The following PABPC1L variants were observed in gnomAD, a reference collection of about 807,000 sequenced individuals.
The protein encoded by PABPC1L is poly(A) binding protein cytoplasmic 1 like.
A neutral mutation model predicts 66.6 loss-of-function variants in PABPC1L; 31 were observed. The ratio of observed to expected loss-of-function variants is 0.47; its 90% CI spans 0.35 to 0.63. The LOEUF is 0.63. Among genes scored for constraint, PABPC1L ranks in the 20% least tolerant of loss-of-function variants. The pLI is 0.00. For synonymous variants in PABPC1L, 348 were observed against 335.1 expected, an observed-to-expected ratio of 1.04 and a Z score of -0.42; for missense variants, 722 against 848.8, an observed-to-expected ratio of 0.85 and a Z score of 1.86.
rs574263387 is a variant in PABPC1L at position 44,922,599 on chromosome 20, G to C, written c.876+868G>C. ...TTGGTCAGGCTGGTCTCGAACTCCT[G>C]ACCTTAGTTGATCTGCCCGCTTTGG... On this transcript the variant is annotated intron_variant, in intron 6 of 14. Transcript: ENST00000217073. 2.9e-3 allele frequency among the ~76,000 whole-genome samples: 448 copies of C among 152,182 alleles called. 4 individuals are homozygous for C. The highest frequency in any genetic ancestry group is 9.8e-3 in the African/African-American group (408 of 41,518).
intron 4 of PABPC1L, 32 bp from the exon 5 acceptor site, chr20:44,919,151 A>G (rs1372346036): frequency 3.1e-6 from 5 of 1,613,564 alleles, no homozygotes; most frequent in African/African-American, 1.3e-5. Flanking sequence ...GACTTCCCAG[A>G]CTCCCCTTTG....
chr20:44,910,163 G>T lies in PABPC1L; in HGVS notation c.20G>T (p.Gly7Val). Residue 7 changes from glycine (G) to valine (V), a missense_variant, in exon 1 of 15, where the codon GGC becomes GTC. Transcript: ENST00000217073. ...CCCACCATGAACGCCAGCGGTTCTG[G>T]CTACCCGCTTGCCTCGCTTTACGTG... MNASGS[G>V]YPLASLYVGD... is the part of the protein sequence containing the mutation. 6.4e-7 allele frequency: 1 copy of T among 1,571,544 alleles called. No individual in the cohort carries two copies. The highest frequency in any genetic ancestry group is 2.4e-5 in the East Asian group (1 of 41,958).
In PABPC1L at chr20:44,933,147, C is replaced by T; in HGVS notation, c.1421C>T (p.Thr474Ile). 6.2e-7 allele frequency: 1 copy of T among 1,609,922 alleles called. No individual in the cohort carries two copies. The highest frequency in any genetic ancestry group is 8.5e-7 in the Non-Finnish European group (1 of 1,178,650). ...ATCAGCAGTGTCAGGCAGGCCTCCA[C>T]CCAGGTGCCACGCACGGTGCCTCAT... ...AHISSVRQAS[T>I]QVPRTVPHTQ... Residue 474 changes from threonine (T) to isoleucine (I), a missense_variant, in exon 10 of 15, where the codon ACC becomes ATC. Physicochemically the swap from Thr to Ile is moderately conservative, Grantham distance 89. This residue lies in a region of PABPC1L where 301 missense variants were observed against 337.2 expected (regional missense o/e 0.89). Coordinates refer to ENST00000217073, the MANE Select transcript of PABPC1L (RefSeq NM_001372179.1).
At position 44,921,700 on chromosome 20, in the gene PABPC1L, A is replaced by G. The variant is rs765113113; in HGVS notation, c.845A>G (p.Gln282Arg). The G allele has an allele frequency of 3.1e-6, 5 of 1,613,796 alleles. No homozygotes were observed. ...AATGAACTGAAGCGCAGGTTTGAGC[A>G]GATGAAGCAGGACCGGCTGAGGCGT... The part of the protein sequence containing the change: ...RQNELKRRFE[Q>R]MKQDRLRRYQ... The change falls in exon 6 of 15, where the codon CAG becomes CGG. Residue 282 changes from glutamine to arginine, a missense_variant. By Grantham distance (43) the Gln-to-Arg change is conservative. Coordinates refer to ENST00000217073, the MANE Select transcript of PABPC1L (RefSeq NM_001372179.1).
At chr20:44,918,118 G>A (rs893392611) in intron 3 of PABPC1L, among the ~76,000 whole-genome samples, 7 of 152,282 alleles carry the variant, frequency 4.6e-5, no homozygotes, top group African/African-American at 1.7e-4. Flanking sequence ...CTGAGGTCAG[G>A]AGTTTGAGAC....
chr20:44,919,106 G>A lies in PABPC1L; in HGVS notation c.643+61G>A, dbSNP rs1229601009. ...TTTTTCCTCTTCCCTTCCAAAGTCT[G>A]GTAGGGAGGAGGGGCTCTCCTGGGG... On this transcript the variant is annotated intron_variant, in intron 4 of 14. Coordinates refer to ENST00000217073, the MANE Select transcript of PABPC1L (RefSeq NM_001372179.1). 6 of 1,613,172 alleles carry A rather than the reference G, an allele frequency of 3.7e-6. No homozygotes were observed. The Admixed American group carries it at 6.7e-5, about 18-fold the overall frequency.
intron 9 of PABPC1L, 172 bp from the exon 10 acceptor site, chr20:44,932,885 C>T (rs1328086072): frequency 3.4e-6 from 2 of 593,140 alleles, no homozygotes; most frequent in Non-Finnish European, 6.0e-6. Context: ...CTACACTCCC[C>T]CTTTCTGGAG....
At position 44,910,175 on chromosome 20, in the gene PABPC1L, C is replaced by A; in HGVS notation, c.32C>A (p.Ala11Asp). 1 of 1,577,448 alleles carries A rather than the reference C, an allele frequency of 6.3e-7. No homozygotes were observed. Among genetic ancestry groups the A allele is most frequent in the Admixed American group, 1.8e-5 (1 of 55,396 alleles). The part of the protein sequence containing the change: MNASGSGYPL[A>D]SLYVGDLHPD... Reference sequence around the variant, plus strand: ...GCCAGCGGTTCTGGCTACCCGCTTGCCTCGCTTTACGTGGGCGATCTGCAC... The same window carrying A: ...GCCAGCGGTTCTGGCTACCCGCTTGACTCGCTTTACGTGGGCGATCTGCAC... Residue 11 changes from alanine to aspartate, a missense_variant, in exon 1 of 15, where the codon GCC becomes GAC. This residue lies in a region of PABPC1L where 284 missense variants were observed against 294.8 expected (regional missense o/e 0.96). Coordinates refer to ENST00000217073, the MANE Select transcript of PABPC1L (RefSeq NM_001372179.1).
intron 7 of PABPC1L, among the ~76,000 whole-genome samples, chr20:44,924,490 CTCACTG>C (rs2066795401): frequency 6.6e-6 from 1 of 152,176 alleles, no homozygotes; most frequent in Non-Finnish European, 1.5e-5. Flanking sequence ...GGACTTGGGG[CTCACTG>C]TCACCTTGGC....
intron 5 of PABPC1L, 85 bp from the exon 6 acceptor site, chr20:44,921,509 G>A (rs2066772817): frequency 6.5e-7 from 1 of 1,543,198 alleles, no homozygotes; most frequent in South Asian, 1.2e-5. Flanking sequence ...TGGTTTGCAG[G>A]TGGCCCCTCT....
intron 6 of PABPC1L, among the ~76,000 whole-genome samples, chr20:44,923,291 T>A (rs2066786568): frequency 6.6e-6 from 1 of 152,126 alleles, no homozygotes; most frequent in Non-Finnish European, 1.5e-5. Flanking sequence ...AAAACAAGGA[T>A]AAAAGTTTTC....
At chr20:44,927,815 A>C (rs978806312) in intron 7 of PABPC1L, among the ~76,000 whole-genome samples, 12 of 152,032 alleles carry the variant, frequency 7.9e-5, no homozygotes, top group Non-Finnish European at 7.3e-5. Flanking sequence ...TCAGCCTCCC[A>C]AGTAGCTGAG....
chr20:44,910,449 A>G (rs937399618), intron 1 of PABPC1L, 113 bp downstream of exon 1: 18 of 1,228,712 alleles, frequency 1.5e-5, no homozygotes, highest in Non-Finnish European at 2.0e-5. Flanking sequence ...AGCCGGGGAA[A>G]CTGAGGCTCA....
At chr20:44,916,915 G>A (rs1244923587) in intron 3 of PABPC1L, 44 bp downstream of exon 3, 1 of 1,567,664 alleles carries the variant, frequency 6.4e-7, no homozygotes, top group Non-Finnish European at 8.8e-7. Context: ...TGCAGGGACA[G>A]AAGCATGGCA....
intron 1 of PABPC1L, among the ~76,000 whole-genome samples, 199 bp downstream of exon 1, chr20:44,910,535 C>T (rs2066697127): frequency 7.0e-6 from 1 of 142,876 alleles, no homozygotes; most frequent in South Asian, 2.1e-4. Flanking sequence ...TGCTATTCCT[C>T]TACAGAGGAG....
Position 44,933,326 on chromosome 20 carries a change from T to C in PABPC1L, c.1459+141T>C. On this transcript the variant is annotated intron_variant, in intron 10 of 14. Coordinates refer to ENST00000217073, the MANE Select transcript of PABPC1L (RefSeq NM_001372179.1). ...GGAGACTGTAGCGTGGTAGTTAGCT[T>C]GGCCTCCAGTTCCTGGGACCAACTG... 3 of 671,212 alleles carry C rather than the reference T, an allele frequency of 4.5e-6. No individual in the cohort carries two copies. The South Asian group carries it at 5.4e-5, about 12-fold the overall frequency. The allele number at this position is 671,212 out of a possible 1,614,324, so 41.6% of individuals were successfully genotyped here. A position where few individuals can be genotyped will look rare whatever the true frequency, so the allele number is the denominator to read the frequency against.
Position 44,932,443 on chromosome 20 carries a change from C to A in PABPC1L, c.1330+11C>A. 1 of 1,604,342 alleles carries A rather than the reference C, an allele frequency of 6.2e-7. No homozygotes were observed. Among genetic ancestry groups the A allele is most frequent in the Non-Finnish European group, 8.5e-7 (1 of 1,172,942 alleles). ...CACCTAGACCTTCCTGTGAGTGACC[C>A]AGCCCCTTCCACTCTCAGACTGGCC... On this transcript the variant is annotated intron_variant, in intron 9 of 14. Coordinates refer to ENST00000217073, the MANE Select transcript of PABPC1L (RefSeq NM_001372179.1).
chr20:44,932,952 C>T, intron 9 of PABPC1L, 105 bp from the exon 10 acceptor site: 1 of 677,424 alleles, frequency 1.5e-6, no homozygotes, highest in Non-Finnish European at 2.5e-6. Flanking sequence ...AGTTTCCCTT[C>T]CCATTCTCTT....
chr20:44,923,439 A>C (rs1026556514), intron 6 of PABPC1L, among the ~76,000 whole-genome samples: 1 of 152,004 alleles, frequency 6.6e-6, no homozygotes, highest in African/African-American at 2.4e-5. Context: ...CCTGACCAAC[A>C]TGGAGAAAGG....
Sources: gnomAD v4.1 joint callset for allele counts (sites outside exome capture counted in the v4.1 genomes callset) on GRCh38, gnomAD v4.1.1 for gene constraint, gnomAD v4.1.1 regional missense constraint, MANE v1.5 for transcripts, NCBI Gene and HGNC (gene_info 2026-07-23, HGNC 2026-07-21) for gene names.